The following CADM1 variants were observed in gnomAD, a reference collection of about 807,000 sequenced individuals.
CADM1 encodes TSLC-1.
Under a neutral mutation model 53.1 loss-of-function variants are expected in CADM1, and 15 were observed. The ratio of observed to expected loss-of-function variants is 0.28; its 90% CI spans 0.19 to 0.44. The LOEUF is 0.44. CADM1 is among the 20% of genes least tolerant of loss of function. CADM1 has a pLI of 1.00. For missense variants in CADM1, 434 were observed against 611.3 expected (o/e 0.71, Z 3.06); for synonymous variants, 281 against 243.0 (o/e 1.16, Z -1.45).
At chr11:115,377,667 A>G (rs1209263315) in intron 1 of CADM1, 1 of 152,222 alleles carries the variant, frequency 6.6e-6, no homozygotes, top group African/African-American at 2.4e-5. Context: ...TTTAAGTTCC[A>G]TTATTCAAGA....
At chr11:115,422,819 AACTG>A (rs1947791733) in intron 1 of CADM1, among the ~76,000 whole-genome samples, 1 of 152,212 alleles carries the variant, frequency 6.6e-6, no homozygotes, top group Non-Finnish European at 1.5e-5. Context: ...CCTGTCAGGA[AACTG>A]ACTGCTATGA....
chr11:115,441,394 A>G (rs1390929770), intron 1 of CADM1, among the ~76,000 whole-genome samples: 1 of 152,214 alleles, frequency 6.6e-6, no homozygotes, highest in Non-Finnish European at 1.5e-5. Flanking sequence ...GATTTCAAAA[A>G]CAAAAAACCA....
At chr11:115,235,152 A>G (rs1031952554) in intron 3 of CADM1, among the ~76,000 whole-genome samples, 8 of 151,364 alleles carry the variant, frequency 5.3e-5, no homozygotes, top group African/African-American at 2.0e-4. Flanking sequence ...GATATGTTAC[A>G]AAGCTGACTT....
chr11:115,325,649 T>TTAATCTTTCAG (rs1401435213), intron 1 of CADM1, among the ~76,000 whole-genome samples: 2 of 152,168 alleles, frequency 1.3e-5, no homozygotes, highest in Non-Finnish European at 2.9e-5. Flanking sequence ...AGCTCCCTCA[T>TTAATCTTTCAG]TAATCTTTCA....
chr11:115,240,032 C>A (rs184152241), intron 2 of CADM1, among the ~76,000 whole-genome samples: 1 of 152,222 alleles, frequency 6.6e-6, no homozygotes, highest in East Asian at 1.9e-4. Context: ...TTGCAATTCA[C>A]CTTGAATTAC....
chr11:115,271,716 C>T (rs897916912), intron 1 of CADM1, among the ~76,000 whole-genome samples: 9 of 152,156 alleles, frequency 5.9e-5, no homozygotes, highest in African/African-American at 1.2e-4. Flanking sequence ...TCAAGAGAGA[C>T]TTTATAATAC....
chr11:115,348,866 C>A (rs572876816), intron 1 of CADM1, among the ~76,000 whole-genome samples: 1 of 152,056 alleles, frequency 6.6e-6, no homozygotes, highest in African/African-American at 2.4e-5. Context: ...TTAACTACAT[C>A]GGGAAGGGTC....
chr11:115,302,669 G>A (rs1944260404), intron 1 of CADM1, among the ~76,000 whole-genome samples: 1 of 151,990 alleles, frequency 6.6e-6, no homozygotes, highest in Non-Finnish European at 1.5e-5. Context: ...TATAGTTTTT[G>A]CTACTGGGGT....
intron 1 of CADM1, among the ~76,000 whole-genome samples, chr11:115,347,812 G>C (rs1421100382): frequency 2.0e-5 from 3 of 152,120 alleles, no homozygotes; most frequent in Admixed American, 2.0e-4. Flanking sequence ...TCTCAGTTAT[G>C]TACATCCAAA....
intron 10 of CADM1, among the ~76,000 whole-genome samples, chr11:115,184,534 A>G (rs1939454738): frequency 1.3e-5 from 2 of 152,186 alleles, no homozygotes; most frequent in Non-Finnish European, 2.9e-5. Context: ...TAAGATGTTA[A>G]TATATATTGG....
At chr11:115,220,851 T>C (rs1302553692) in intron 5 of CADM1, among the ~76,000 whole-genome samples, 1 of 152,152 alleles carries the variant, frequency 6.6e-6, no homozygotes, top group Non-Finnish European at 1.5e-5. Context: ...CTAAGGGACA[T>C]TAAATTTTCC....
At chr11:115,399,150 G>A (rs558523169) in intron 1 of CADM1, 13 of 152,258 alleles carry the variant, frequency 8.5e-5, no homozygotes, top group African/African-American at 3.1e-4. Flanking sequence ...TTATCACACA[G>A]TAATGAAAAA....
At chr11:115,488,387 C>G (rs1949423113) in intron 1 of CADM1, among the ~76,000 whole-genome samples, 1 of 152,138 alleles carries the variant, frequency 6.6e-6, no homozygotes, top group Admixed American at 6.5e-5. Flanking sequence ...CTCCCCCTCC[C>G]AATAATGTCA....
intron 6 of CADM1, 134 bp downstream of exon 6, chr11:115,217,758 C>T (rs1941247991): frequency 2.8e-6 from 2 of 721,856 alleles, no homozygotes; most frequent in Non-Finnish European, 2.6e-6. Context: ...ACTGAATATT[C>T]TTTAGTTCCT....
chr11:115,233,564 T>C (rs570201909), intron 3 of CADM1, among the ~76,000 whole-genome samples: 15 of 152,296 alleles, frequency 9.8e-5, no homozygotes, highest in African/African-American at 3.4e-4. Flanking sequence ...TGCAGTATTA[T>C]AGGAATATTT....
chr11:115,479,168 T>A (rs2135406132), intron 1 of CADM1, among the ~76,000 whole-genome samples: 1 of 152,248 alleles, frequency 6.6e-6, no homozygotes, highest in East Asian at 1.9e-4. Flanking sequence ...TTTTTATCTT[T>A]AAGACTTTTT....
intron 1 of CADM1, among the ~76,000 whole-genome samples, chr11:115,395,950 T>C (rs978413774): frequency 2.3e-4 from 35 of 152,320 alleles, no homozygotes; most frequent in African/African-American, 7.9e-4. Flanking sequence ...ATTTGTACCA[T>C]TGGTTCATGA....
intron 1 of CADM1, among the ~76,000 whole-genome samples, chr11:115,473,706 CA>C (rs1157953966): frequency 6.6e-6 from 1 of 151,772 alleles, no homozygotes; most frequent in East Asian, 1.9e-4. Context: ...AATCACAGAC[CA>C]AAAAGCAAAA....
At chr11:115,458,491 G>GT (rs1293060916) in intron 1 of CADM1, among the ~76,000 whole-genome samples, 1 of 95,410 alleles carries the variant, frequency 1.0e-5, no homozygotes, top group East Asian at 3.2e-4. Flanking sequence ...AATGTTAGCT[G>GT]TAATTATTAT....
Sources: gnomAD v4.1 joint callset for allele counts (sites outside exome capture counted in the v4.1 genomes callset) on GRCh38, gnomAD v4.1.1 for gene constraint, MANE v1.5 for transcripts, NCBI Gene and HGNC (gene_info 2026-07-23, HGNC 2026-07-21) for gene names.